ZRANB2: variants seen among roughly 807,000 people sequenced by gnomAD.
ZRANB2 encodes the protein zinc finger Ran-binding domain-containing protein 2.
Under a neutral mutation model 53.4 loss-of-function variants are expected in ZRANB2, and 19 were observed. The ratio of observed to expected loss-of-function variants is 0.36; its 90% CI spans 0.25 to 0.52. The LOEUF (loss-of-function observed/expected upper bound fraction) is 0.52, where lower values mean the gene tolerates loss of function less well. Among genes scored for constraint, ZRANB2 ranks in the 20% least tolerant of loss-of-function variants. The pLI is 0.93. For synonymous variants in ZRANB2, 145 were observed against 134.8 expected, an observed-to-expected ratio of 1.08 and a Z score of -0.52; for missense variants, 309 against 401.1, an observed-to-expected ratio of 0.77 and a Z score of 1.96.
rs757322242 is a variant in ZRANB2 at position 71,074,049 on chromosome 1, C to T, written c.302-1501G>A. Among the ~76,000 whole-genome samples the T allele has an allele frequency of 5.7e-4, 87 of 152,122 alleles. 1 individual carries two copies. In the Middle Eastern group the frequency reaches 0.01, roughly 18 times the overall value. ...AAATTGGTTTTATTTCCACTCTTGC[C>T]GCCACCTCTCCTAATTACTTCTCCA... is the stretch of plus-strand genomic sequence containing the variant. On this transcript the variant is annotated intron_variant, in intron 4 of 9. Transcript: ENST00000370920.
intron 9 of ZRANB2, chr1:71,065,571 A>T: frequency 7.0e-7 from 1 of 1,435,328 alleles, no homozygotes; most frequent in Non-Finnish European, 9.2e-7. Flanking sequence ...TGTGTATGAG[A>T]AAATATACTC....
In ZRANB2 at chr1:71,069,504, T is replaced by C. The variant is rs190084353; in HGVS notation, c.684-142A>G. The C allele has an allele frequency of 2.5e-5, 12 of 474,864 alleles. No individual in the cohort carries two copies. The East Asian group carries it at 3.1e-4, about 12-fold the overall frequency. The allele number at this position is 474,864 out of a possible 1,614,324, so 29.4% of individuals were successfully genotyped here. A position where few individuals can be genotyped will look rare whatever the true frequency, so the allele number is the denominator to read the frequency against. On this transcript the variant is annotated intron_variant, in intron 7 of 9. Coordinates refer to ENST00000370920, the MANE Select transcript of ZRANB2 (RefSeq NM_203350.3). ...CAAGATATATACTTTCAAAACATAG[T>C]ATTTTAAATTAGATAAGATTTAGTA...
In ZRANB2 at chr1:71,075,848, G is replaced by A. The variant is rs543010612; in HGVS notation, c.301+947C>T. On this transcript the variant is annotated intron_variant, in intron 4 of 9. Transcript: ENST00000370920. ...AGTGGCGGTTGGGCTGGGGAAGGGG[G>A]GATCAAGGACATTATGTTATAATGT... Among the ~76,000 whole-genome samples the A allele has an allele frequency of 1.0e-3, 155 of 151,436 alleles. 1 individual carries two copies. The highest frequency in any genetic ancestry group is 0.01 in the Middle Eastern group (3 of 294).
At chr1:71,066,601 A>G in intron 9 of ZRANB2, 175 bp downstream of exon 9, 1 of 507,616 alleles carries the variant, frequency 2.0e-6, no homozygotes, top group Non-Finnish European at 3.3e-6. Context: ...AATTCTAAAC[A>G]ACCTGATCAA....
chr1:71,065,252 A>T, intron 9 of ZRANB2, 115 bp from the exon 10 acceptor site: 1 of 771,208 alleles, frequency 1.3e-6, no homozygotes, highest in Non-Finnish European at 2.0e-6. Context: ...TAGCAAAAAA[A>T]TTAAAAATTG....
intron 9 of ZRANB2, chr1:71,066,542 G>A: frequency 2.7e-6 from 1 of 370,616 alleles, no homozygotes; most frequent in Non-Finnish European, 4.8e-6. Flanking sequence ...AATTATAAAT[G>A]GAACTAAAAA....
In ZRANB2 at chr1:71,063,333, T is replaced by C. The variant is rs1661347579; in HGVS notation, c.*1741A>G. The C allele has an allele frequency of 6.6e-6, 1 of 152,450 alleles. No homozygotes were observed. Among genetic ancestry groups the C allele is most frequent in the Non-Finnish European group, 1.5e-5 (1 of 67,936 alleles). 9.4% of individuals were successfully genotyped at this position (152,450 alleles called of 1,614,324 possible). A position where few individuals can be genotyped will look rare whatever the true frequency, so the allele number is the denominator to read the frequency against. On this transcript the variant is annotated 3_prime_UTR_variant, in exon 10 of 10. Coordinates refer to ENST00000370920, the MANE Select transcript of ZRANB2 (RefSeq NM_203350.3). ...CTAGTTTATTTCTAACAAACACCAC[T>C]TGATGCTTGACTCACAGGCTTTATT...
At chr1:71,074,411 A>G (rs1190696543) in intron 4 of ZRANB2, among the ~76,000 whole-genome samples, 2 of 152,176 alleles carry the variant, frequency 1.3e-5, no homozygotes, top group African/African-American at 4.8e-5. Flanking sequence ...AAGGGCCAAG[A>G]AAGAATCAAA....
intron 9 of ZRANB2, 167 bp downstream of exon 9, chr1:71,066,609 C>A: frequency 1.9e-6 from 1 of 540,428 alleles, no homozygotes; most frequent in Non-Finnish European, 3.0e-6. Context: ...ACAACCTGAT[C>A]AAAGTACAAA....
At position 71,070,890 on chromosome 1, in the gene ZRANB2, C is replaced by A; in HGVS notation, c.620G>T (p.Arg207Leu). Reference sequence around the variant, plus strand: ...TGATGAAGATCGTGAATGTGAAGATCGAGACTTTGAGCGACTTCGTCTATT... The same window carrying A: ...TGATGAAGATCGTGAATGTGAAGATAGAGACTTTGAGCGACTTCGTCTATT... ...KSNRRSRSKSRSSHSRSSSRS... is the reference protein window; with the variant it reads ...KSNRRSRSKSLSSHSRSSSRS... Residue 207 changes from arginine (R) to leucine (L), a missense_variant, in exon 7 of 10, where the codon CGA becomes CTA. By Grantham distance (102) the Arg-to-Leu change is moderately radical. This residue lies in a region of ZRANB2 where 211 missense variants were observed against 196.1 expected (regional missense o/e 1.08). Coordinates refer to ENST00000370920, the MANE Select transcript of ZRANB2 (RefSeq NM_203350.3). 1 of 1,611,156 alleles carries A rather than the reference C, an allele frequency of 6.2e-7. No homozygotes were observed. Among genetic ancestry groups the A allele is most frequent in the Non-Finnish European group, 8.5e-7 (1 of 1,178,510 alleles).
chr1:71,076,301 T>C (rs1486561072), intron 4 of ZRANB2, among the ~76,000 whole-genome samples: 1 of 152,202 alleles, frequency 6.6e-6, no homozygotes, highest in African/African-American at 2.4e-5. Context: ...CCTGCAGATG[T>C]TGGAAACCCA....
At chr1:71,078,418 T>C (rs1315483326) in intron 3 of ZRANB2, 39 bp downstream of exon 3, 3 of 1,560,432 alleles carry the variant, frequency 1.9e-6, no homozygotes, top group East Asian at 2.2e-5. Context: ...AGATCTATTA[T>C]TTTGGAAGAA....
At chr1:71,079,312 C>T (rs1368445538) in intron 1 of ZRANB2, among the ~76,000 whole-genome samples, 21 of 152,132 alleles carry the variant, frequency 1.4e-4, no homozygotes, top group Admixed American at 1.4e-3. Flanking sequence ...AACCAATAAT[C>T]TCAACACATG....
chr1:71,065,173 A>C (rs757370186), intron 9 of ZRANB2, 36 bp from the exon 10 acceptor site: 2 of 1,502,850 alleles, frequency 1.3e-6, no homozygotes, highest in Non-Finnish European at 1.8e-6. Context: ...GCATTCTAGT[A>C]AGCTAGAGCT....
intron 9 of ZRANB2, chr1:71,065,795 A>C: frequency 1.2e-6 from 2 of 1,608,810 alleles, no homozygotes; most frequent in Non-Finnish European, 1.7e-6. Flanking sequence ...AGATGACAAC[A>C]AACTAGGGGG....
intron 8 of ZRANB2, among the ~76,000 whole-genome samples, chr1:71,068,624 C>G (rs538568716): frequency 6.6e-6 from 1 of 152,166 alleles, no homozygotes; most frequent in African/African-American, 2.4e-5. Flanking sequence ...AATGTATATA[C>G]AGTACTCTAG....
chr1:71,073,951 T>C (rs1403828609), intron 4 of ZRANB2, among the ~76,000 whole-genome samples: 4 of 152,122 alleles, frequency 2.6e-5, no homozygotes, highest in Non-Finnish European at 5.9e-5. Flanking sequence ...ATACCTGAGA[T>C]AGTGGAATCA....
chr1:71,080,241 G>C (rs574193865), intron 1 of ZRANB2, among the ~76,000 whole-genome samples: 1 of 151,830 alleles, frequency 6.6e-6, no homozygotes, highest in Non-Finnish European at 1.5e-5. Flanking sequence ...ATCTAGTCGA[G>C]TACTGGCTTT....
At chr1:71,075,256 T>C (rs576574799) in intron 4 of ZRANB2, among the ~76,000 whole-genome samples, 6 of 152,224 alleles carry the variant, frequency 3.9e-5, no homozygotes, top group African/African-American at 1.4e-4. Context: ...AGGGTGGTAA[T>C]GGAAAAGAAT....
Sources: gnomAD v4.1 joint callset for allele counts (sites outside exome capture counted in the v4.1 genomes callset) on GRCh38, gnomAD v4.1.1 for gene constraint, gnomAD v4.1.1 regional missense constraint, MANE v1.5 for transcripts, NCBI Gene and HGNC (gene_info 2026-07-23, HGNC 2026-07-21) for gene names.